Variants in BCR observed in about 807,000 individuals in gnomAD.
BCR encodes the protein BCR activator of RhoGEF and GTPase.
In BCR, 58 loss-of-function variants were observed where a neutral mutation model predicts 138.6. The ratio of observed to expected loss-of-function variants is 0.42; its 90% CI spans 0.34 to 0.52. The LOEUF (loss-of-function observed/expected upper bound fraction) is 0.52, where lower values mean the gene tolerates loss of function less well. Ranked by LOEUF, BCR falls within the 20% of genes least tolerant of loss-of-function variation. The pLI is 0.06. For synonymous variants in BCR, 786 were observed against 730.1 expected, an observed-to-expected ratio of 1.08 and a Z score of -1.23; for missense variants, 1,599 against 1,727.2, an observed-to-expected ratio of 0.93 and a Z score of 1.32.
chr22:23,271,499 C>T lies in BCR; in HGVS notation c.1861-33C>T, dbSNP rs557488589. 3.7e-6 allele frequency: 6 copies of T among 1,610,348 alleles called. No individual in the cohort carries two copies. The East Asian group carries it at 1.1e-4, about 30-fold the overall frequency. The stretch of plus-strand genomic sequence containing the variant: ...TCTGCATCATCAAAGCTGCTTCTGT[C>T]ATCTGTGTGAACATGCGCTTTTCTC... On this transcript the variant is annotated intron_variant, in intron 5 of 22. Coordinates refer to ENST00000305877, the MANE Select transcript of BCR (RefSeq NM_004327.4).
At chr22:23,186,196 G>T (rs1383307315) in intron 1 of BCR, among the ~76,000 whole-genome samples, 1 of 152,216 alleles carries the variant, frequency 6.6e-6, no homozygotes, top group Non-Finnish European at 1.5e-5. Context: ...GTAGCCGTTT[G>T]CCCTAAGGAA....
chr22:23,290,321 CTT>C lies in BCR; in HGVS notation c.2708-16_2708-15del. The C allele has an allele frequency of 6.2e-7, 1 of 1,612,336 alleles. No homozygotes were observed. Among genetic ancestry groups the C allele is most frequent in the Non-Finnish European group, 8.5e-7 (1 of 1,178,382 alleles). ...TTCCCGGGACAACAGAAGCTGACCT[CTT>C]TGATCTCTTGCGCAGATGATGAGTC... On this transcript the variant is annotated splice_polypyrimidine_tract_variant and intron_variant, in intron 13 of 22. Coordinates refer to ENST00000305877, the MANE Select transcript of BCR (RefSeq NM_004327.4).
intron 16 of BCR, among the ~76,000 whole-genome samples, chr22:23,308,890 A>G (rs1171414851): frequency 6.6e-6 from 1 of 152,176 alleles, no homozygotes; most frequent in Non-Finnish European, 1.5e-5. Flanking sequence ...CGGCCCCCTC[A>G]TCAGCTGCTT....
chr22:23,273,678 G>A lies in BCR; in HGVS notation c.2019G>A (p.Leu673=), dbSNP rs769154760. ...CTGCCAGCCACCCTGACCACCCCTTGCTGCAGGACGCCCTCCGCATCTCAC... is the reference window on the plus strand; with the variant it reads ...CTGCCAGCCACCCTGACCACCCCTTACTGCAGGACGCCCTCCGCATCTCAC... ...HTPASHPDHP[L]LQDALRISQN... Residue 673 remains leucine (L), a synonymous_variant, in exon 8 of 23, where the codon TTG becomes TTA. Transcript: ENST00000305877. 6.2e-7 allele frequency: 1 copy of A among 1,614,070 alleles called. No homozygotes were observed. The highest frequency in any genetic ancestry group is 8.5e-7 in the Non-Finnish European group (1 of 1,180,034).
chr22:23,205,384 TCTC>T (rs1292551265), intron 1 of BCR, among the ~76,000 whole-genome samples: 4 of 152,210 alleles, frequency 2.6e-5, no homozygotes, highest in African/African-American at 9.7e-5. Context: ...AGACCCTCCT[TCTC>T]CTCCTCTCAC....
chr22:23,184,715 GTTT>G (rs1206748364), intron 1 of BCR, among the ~76,000 whole-genome samples: 1 of 152,122 alleles, frequency 6.6e-6, no homozygotes, highest in African/African-American at 2.4e-5. Flanking sequence ...ATCCTGTTAT[GTTT>G]TAAAACTCCT....
intron 1 of BCR, among the ~76,000 whole-genome samples, chr22:23,225,023 G>A (rs1183182209): frequency 6.6e-6 from 1 of 152,018 alleles, no homozygotes; most frequent in Non-Finnish European, 1.5e-5. Context: ...ATTTGGAGCA[G>A]CTGGCTGGGA....
intron 9 of BCR, 30 bp from the exon 10 acceptor site, chr22:23,285,003 A>G (rs2073694458): frequency 6.2e-7 from 1 of 1,604,460 alleles, no homozygotes; most frequent in South Asian, 1.1e-5. Flanking sequence ...CAGTCGGTGC[A>G]TGTGAACGTT....
chr22:23,201,924 A>G (rs572335469), intron 1 of BCR, among the ~76,000 whole-genome samples: 1 of 152,302 alleles, frequency 6.6e-6, no homozygotes, highest in South Asian at 2.1e-4. Context: ...CAGTATGAGG[A>G]AGGTTTAATT....
intron 8 of BCR, 95 bp downstream of exon 8, chr22:23,273,869 C>T: frequency 6.6e-7 from 1 of 1,522,300 alleles, no homozygotes; most frequent in South Asian, 1.2e-5. Context: ...CTTCCTGGTC[C>T]TCAGCAGACC....
intron 22 of BCR, 48 bp from the exon 23 acceptor site, chr22:23,315,385 T>G (rs765518345): frequency 4.5e-6 from 7 of 1,572,254 alleles, no homozygotes; most frequent in African/African-American, 1.3e-5. Flanking sequence ...CCAGCAGCTG[T>G]GAGCCCCGCT....
intron 1 of BCR, among the ~76,000 whole-genome samples, chr22:23,228,001 A>C (rs2072913455): frequency 6.6e-6 from 1 of 152,222 alleles, no homozygotes; most frequent in Non-Finnish European, 1.5e-5. Context: ...TGCCAAACTT[A>C]TGTGCACAGA....
intron 8 of BCR, 99 bp from the exon 9 acceptor site, chr22:23,283,878 G>A (rs1430940682): frequency 1.4e-6 from 2 of 1,412,430 alleles, no homozygotes; most frequent in African/African-American, 2.9e-5. Context: ...GGGAGAGAAT[G>A]TCTCTGGGTC....
In BCR at chr22:23,219,775, G is replaced by A. The variant is rs147992829; in HGVS notation, c.1280-34024G>A. On this transcript the variant is annotated intron_variant, in intron 1 of 22. Transcript: ENST00000305877. The stretch of plus-strand genomic sequence containing the variant: ...CTCCACTTGCCCAGCTCTGTCCTCT[G>A]TGTCCAGCTTTGAGGCTACTTTCTG... Among the ~76,000 whole-genome samples the A allele has an allele frequency of 1.8e-3, 273 of 152,186 alleles. 2 individuals carry two copies. Among genetic ancestry groups the A allele is most frequent in the African/African-American group, 5.0e-3 (206 of 41,496 alleles).
At chr22:23,308,836 C>T (rs966259839) in intron 16 of BCR, among the ~76,000 whole-genome samples, 4 of 152,158 alleles carry the variant, frequency 2.6e-5, no homozygotes, top group Admixed American at 1.3e-4. Context: ...TGGATAGTGC[C>T]GGGTGGGGGT....
chr22:23,260,484 A>C (rs982286552), intron 2 of BCR, among the ~76,000 whole-genome samples: 1 of 152,158 alleles, frequency 6.6e-6, no homozygotes, highest in Non-Finnish European at 1.5e-5. Context: ...TGGCGGCAGC[A>C]GTCAGAGAAT....
chr22:23,315,668 C>T lies in BCR; in HGVS notation c.*146C>T, dbSNP rs570742984. 3.6e-5 allele frequency: 29 copies of T among 800,974 alleles called. 1 individual carries two copies. Among genetic ancestry groups the T allele is most frequent in the Non-Finnish European group, 5.5e-5 (26 of 471,242 alleles). The allele number at this position is 800,974 out of a possible 1,614,324, so 49.6% of individuals were successfully genotyped here. ...CTGCCAAGAGACAGCGACCCAAAGC[C>T]GAAGGACAGGTGGCCTGGAAAGATC... On this transcript the variant is annotated 3_prime_UTR_variant, in exon 23 of 23. Coordinates refer to ENST00000305877, the MANE Select transcript of BCR (RefSeq NM_004327.4).
intron 8 of BCR, among the ~76,000 whole-genome samples, chr22:23,276,677 G>T (rs1231954958): frequency 6.6e-6 from 1 of 152,196 alleles, no homozygotes; most frequent in Non-Finnish European, 1.5e-5. Context: ...CCTGTGCTTT[G>T]CCCCTGCCCC....
chr22:23,242,638 C>T (rs1329945846), intron 1 of BCR, among the ~76,000 whole-genome samples: 1 of 152,214 alleles, frequency 6.6e-6, no homozygotes, highest in Non-Finnish European at 1.5e-5. Flanking sequence ...TGGTCGCATT[C>T]TTCTCTCTCA....
Sources: allele counts gnomAD v4.1 joint callset (sites outside exome capture counted in the v4.1 genomes callset), GRCh38; gene constraint gnomAD v4.1.1; transcripts MANE v1.5; gene names NCBI Gene and HGNC (gene_info 2026-07-23, HGNC 2026-07-21).